The following CLSTN2 variants were observed in gnomAD, a reference collection of about 807,000 sequenced individuals.
CLSTN2 encodes calsyntenin-2.
CLSTN2 carries 48 observed loss-of-function variants against 101.2 expected under a neutral mutation model. The ratio of observed to expected loss-of-function variants is 0.47; its 90% CI spans 0.38 to 0.60. The LOEUF (loss-of-function observed/expected upper bound fraction) is 0.60, where lower values mean the gene tolerates loss of function less well. CLSTN2 is among the 20% of genes least tolerant of loss of function. CLSTN2 has a pLI of 0.00. For missense variants in CLSTN2, 1,160 were observed against 1,238.2 expected (o/e 0.94, Z 0.95); for synonymous variants, 481 against 463.6 (o/e 1.04, Z -0.48).
intron 1 of CLSTN2, among the ~76,000 whole-genome samples, chr3:140,159,486 C>G (rs1235380664): frequency 6.6e-6 from 1 of 152,042 alleles, no homozygotes; most frequent in African/African-American, 2.4e-5. Flanking sequence ...ATCTCACAGC[C>G]ATTACAATGG....
chr3:140,230,312 G>C (rs1423136135), intron 2 of CLSTN2, among the ~76,000 whole-genome samples: 1 of 152,140 alleles, frequency 6.6e-6, no homozygotes, highest in African/African-American at 2.4e-5. Flanking sequence ...AAGAGCAAAG[G>C]CATATGTCAA....
At chr3:140,051,894 GT>G (rs1407985502) in intron 1 of CLSTN2, among the ~76,000 whole-genome samples, 14 of 152,214 alleles carry the variant, frequency 9.2e-5, no homozygotes, top group Non-Finnish European at 2.9e-5. Context: ...CCACCCCACA[GT>G]TGCTGATGCA....
intron 1 of CLSTN2, among the ~76,000 whole-genome samples, chr3:140,068,763 C>T (rs761854379): frequency 2.6e-5 from 4 of 152,184 alleles, no homozygotes; most frequent in African/African-American, 4.8e-5. Flanking sequence ...GAATAGGAAA[C>T]TATCATTCAT....
chr3:140,409,444 G>A (rs2088338811), intron 4 of CLSTN2, among the ~76,000 whole-genome samples: 2 of 152,132 alleles, frequency 1.3e-5, no homozygotes, highest in African/African-American at 2.4e-5. Context: ...ATAAGACATT[G>A]CATCCCTCTC....
At chr3:140,179,647 A>C (rs28660635) in intron 2 of CLSTN2, among the ~76,000 whole-genome samples, 1 of 148,790 alleles carries the variant, frequency 6.7e-6, no homozygotes, top group African/African-American at 2.5e-5. Flanking sequence ...AAAAAAAAAA[A>C]AAAAACCTTG....
chr3:140,164,590 C>T (rs1185862157), intron 1 of CLSTN2, among the ~76,000 whole-genome samples: 1 of 152,134 alleles, frequency 6.6e-6, no homozygotes, highest in South Asian at 2.1e-4. Flanking sequence ...AATTGCAATA[C>T]CCCTTACACT....
chr3:140,012,533 G>T (rs545154713), intron 1 of CLSTN2, among the ~76,000 whole-genome samples: 1 of 152,146 alleles, frequency 6.6e-6, no homozygotes, highest in African/African-American at 2.4e-5. Context: ...CATCGATGTT[G>T]CAGGGAAGAA....
intron 2 of CLSTN2, among the ~76,000 whole-genome samples, chr3:140,354,595 G>A (rs141444442): frequency 3.9e-5 from 6 of 152,164 alleles, no homozygotes; most frequent in Non-Finnish European, 8.8e-5. Context: ...CTAAGACATG[G>A]CAGGAGACCA....
At chr3:140,466,392 G>A (rs528126586) in intron 7 of CLSTN2, among the ~76,000 whole-genome samples, 2 of 152,304 alleles carry the variant, frequency 1.3e-5, no homozygotes, top group Non-Finnish European at 2.9e-5. Context: ...CTCAGCAAGA[G>A]TTTGGCTGTG....
At chr3:140,375,136 G>C (rs1457552562) in intron 2 of CLSTN2, among the ~76,000 whole-genome samples, 1 of 152,156 alleles carries the variant, frequency 6.6e-6, no homozygotes, top group Non-Finnish European at 1.5e-5. Flanking sequence ...GGGAGATGTA[G>C]CTGAGGGGAA....
At chr3:140,465,379 G>C (rs1294870669) in intron 7 of CLSTN2, among the ~76,000 whole-genome samples, 1 of 152,214 alleles carries the variant, frequency 6.6e-6, no homozygotes, top group Non-Finnish European at 1.5e-5. Context: ...TCTGCTAAAA[G>C]AGCAGTTCTC....
chr3:140,025,939 G>A (rs1192190785), intron 1 of CLSTN2, among the ~76,000 whole-genome samples: 2 of 152,170 alleles, frequency 1.3e-5, no homozygotes, highest in Non-Finnish European at 2.9e-5. Context: ...GTGGAGTCAA[G>A]GGCTCTGTGG....
chr3:140,400,268 G>T (rs903463406), intron 2 of CLSTN2, among the ~76,000 whole-genome samples: 1 of 152,192 alleles, frequency 6.6e-6, no homozygotes, highest in Non-Finnish European at 1.5e-5. Context: ...TTGGGTCCAT[G>T]GGAATTCTGA....
chr3:140,164,847 T>C (rs1026316946), intron 1 of CLSTN2, among the ~76,000 whole-genome samples: 1 of 152,132 alleles, frequency 6.6e-6, no homozygotes. Context: ...TGAGTATTTA[T>C]GGGTAGAAAA....
chr3:140,402,208 T>C (rs543025666), intron 2 of CLSTN2, among the ~76,000 whole-genome samples: 8 of 152,214 alleles, frequency 5.3e-5, no homozygotes, highest in Non-Finnish European at 1.0e-4. Flanking sequence ...ATTTCTTTCC[T>C]GAATGAGACT....
intron 1 of CLSTN2, among the ~76,000 whole-genome samples, chr3:140,066,502 G>T (rs1322014568): frequency 2.0e-5 from 3 of 152,222 alleles, no homozygotes; most frequent in Admixed American, 6.5e-5. Context: ...TTAGGAGATA[G>T]TCCCCTGAGA....
intron 2 of CLSTN2, among the ~76,000 whole-genome samples, chr3:140,237,518 C>T (rs1293473800): frequency 6.6e-6 from 1 of 152,154 alleles, no homozygotes; most frequent in Non-Finnish European, 1.5e-5. Context: ...ACACTCTTCC[C>T]CGTACATGAT....
intron 1 of CLSTN2, among the ~76,000 whole-genome samples, chr3:140,088,000 G>A (rs1008161399): frequency 6.6e-6 from 1 of 152,264 alleles, no homozygotes. Context: ...ATTTTAAGGA[G>A]GTTGGAGCCA....
chr3:140,260,633 T>G (rs892985343), intron 2 of CLSTN2, among the ~76,000 whole-genome samples: 1 of 152,162 alleles, frequency 6.6e-6, no homozygotes, highest in Admixed American at 6.5e-5. Flanking sequence ...TAGCTTACTG[T>G]AGTATGATGC....
Sources: allele counts gnomAD v4.1 joint callset (sites outside exome capture counted in the v4.1 genomes callset), GRCh38; gene constraint gnomAD v4.1.1; transcripts MANE v1.5; gene names NCBI Gene and HGNC (gene_info 2026-07-23, HGNC 2026-07-21).